ANO9: variants seen among roughly 807,000 people sequenced by gnomAD.
ANO9 encodes the protein anoctamin-9.
A neutral mutation model predicts 100.5 loss-of-function variants in ANO9; 80 were observed. That is an observed-to-expected ratio of 0.80 (90% CI 0.66 to 0.96). The LOEUF is 0.96. Ranked by LOEUF, ANO9 falls within the 40% of genes least tolerant of loss-of-function variation. The probability of loss-of-function intolerance (pLI) is 0.00; values close to 1 mark genes in which losing one functional copy is unlikely to be tolerated. For synonymous variants in ANO9, 473 were observed against 435.6 expected, an observed-to-expected ratio of 1.09 and a Z score of -1.07; for missense variants, 1,064 against 1,072.7, an observed-to-expected ratio of 0.99 and a Z score of 0.11.
intron 20 of ANO9, 52 bp from the exon 21 acceptor site, chr11:419,041 C>A: frequency 6.2e-7 from 1 of 1,610,120 alleles, no homozygotes; most frequent in Non-Finnish European, 8.5e-7. Flanking sequence ...AGGGCGGCCC[C>A]TTCAGGCCCC....
chr11:419,842 C>CGGCTGG, intron 19 of ANO9, 113 bp from the exon 20 acceptor site: 4 of 1,495,522 alleles, frequency 2.7e-6, no homozygotes, highest in Admixed American at 2.1e-5. Flanking sequence ...GTGGTGTCCC[C>CGGCTGG]TTGCAGCCCT....
chr11:420,045 G>A (rs1848077233), intron 19 of ANO9: 1 of 1,324,706 alleles, frequency 7.5e-7, no homozygotes, highest in Non-Finnish European at 9.7e-7. Context: ...TTGTAACCTG[G>A]GCCCGAGACT....
At position 433,830 on chromosome 11, in the gene ANO9, C is replaced by T. The variant is rs774177321; in HGVS notation, c.189G>A (p.Lys63=). 2 of 1,562,184 alleles carry T rather than the reference C, an allele frequency of 1.3e-6. No individual in the cohort carries two copies. The highest frequency in any genetic ancestry group is 8.7e-7 in the Non-Finnish European group (1 of 1,153,562). ...QQQFLEELRR[K]GFHIKVIRDQ... is the part of the protein sequence containing the mutation. ...ACCCGCCCACCTTAATGTGGAAGCCCTTTCTCCTGAGCTCCTCCAGGAACT... is the reference window on the plus strand; with the variant it reads ...ACCCGCCCACCTTAATGTGGAAGCCTTTTCTCCTGAGCTCCTCCAGGAACT... The change falls in exon 3 of 23, where the codon AAG becomes AAA. Residue 63 remains lysine (K), a synonymous_variant. Transcript: ENST00000332826.
At chr11:438,482 TA>T (rs1182475513) in intron 1 of ANO9, among the ~76,000 whole-genome samples, 1 of 129,452 alleles carries the variant, frequency 7.7e-6, no homozygotes, top group Non-Finnish European at 1.6e-5. Flanking sequence ...CAGGCAGGTG[TA>T]GCCCCCCCAA....
At chr11:439,348 C>G (rs1330711550) in intron 1 of ANO9, among the ~76,000 whole-genome samples, 1 of 144,274 alleles carries the variant, frequency 6.9e-6, no homozygotes, top group Non-Finnish European at 1.5e-5. Flanking sequence ...CTCCCAAGGG[C>G]TGGAGTGTGA....
chr11:420,370 T>C, intron 19 of ANO9, 93 bp downstream of exon 19: 1 of 1,530,320 alleles, frequency 6.5e-7, no homozygotes. Flanking sequence ...ATCCGAGAGA[T>C]TATTTTTTCC....
At chr11:440,927 T>G (rs1403870699) in intron 1 of ANO9, among the ~76,000 whole-genome samples, 1 of 152,248 alleles carries the variant, frequency 6.6e-6, no homozygotes, top group Non-Finnish European at 1.5e-5. Flanking sequence ...GGACTGATGC[T>G]CTCACTTCCA....
At chr11:420,669 C>A (rs747319256) in intron 18 of ANO9, 49 bp downstream of exon 18, 1 of 1,600,776 alleles carries the variant, frequency 6.2e-7, no homozygotes, top group Non-Finnish European at 8.5e-7. Flanking sequence ...CCGCGGACCC[C>A]CGCCCCGCAT....
Position 419,039 on chromosome 11 carries a change from C to T in ANO9, c.1935-50G>A, listed in dbSNP as rs1848013263. On this transcript the variant is annotated intron_variant, in intron 20 of 22. Coordinates refer to ENST00000332826, the MANE Select transcript of ANO9 (RefSeq NM_001012302.3). ...GGGTGGGGTGGGCTTCCAGGGCGGC[C>T]CCTTCAGGCCCCAGAGTGCTTCTAG... 4 of 1,610,040 alleles carry T rather than the reference C, an allele frequency of 2.5e-6. No homozygotes were observed. The South Asian group carries it at 4.4e-5, about 18-fold the overall frequency.
chr11:431,733 C>G lies in ANO9; in HGVS notation c.500G>C (p.Trp167Ser). The G allele has an allele frequency of 6.2e-7, 1 of 1,612,664 alleles. No individual in the cohort carries two copies. Among genetic ancestry groups the G allele is most frequent in the South Asian group, 1.1e-5 (1 of 91,086 alleles). The change falls in exon 7 of 23, where the codon TGG (tryptophan) becomes TCG (serine). Residue 167 changes from tryptophan to serine, a missense_variant. Coordinates refer to ENST00000332826, the MANE Select transcript of ANO9 (RefSeq NM_001012302.3). ...TGGCTGCTCCCGGAACATGTGTCTCCACCGCGCCCACGTCTTCTTCAGGCG... is the reference window on the plus strand; with the variant it reads ...TGGCTGCTCCCGGAACATGTGTCTCGACCGCGCCCACGTCTTCTTCAGGCG... ...EGRLKKTWAR[W>S]RHMFREQPVD...
At chr11:437,944 C>A (rs1240745997) in intron 1 of ANO9, among the ~76,000 whole-genome samples, 1 of 152,154 alleles carries the variant, frequency 6.6e-6, no homozygotes, top group African/African-American at 2.4e-5. Flanking sequence ...AAGCCCAGAC[C>A]CCTGAGAAGG....
rs1011973621 is a variant in ANO9 at position 438,606 on chromosome 11, A to G, written c.6+3315T>C. On this transcript the variant is annotated intron_variant, in intron 1 of 22. Coordinates refer to ENST00000332826, the MANE Select transcript of ANO9 (RefSeq NM_001012302.3). ...CCATCCGTCTCCAGGGCCAGTGTTT[A>G]CGGAGCCACACCCACCGGCCCATCC... Among the ~76,000 whole-genome samples the G allele has an allele frequency of 1.3e-4, 20 of 150,796 alleles. No individual in the cohort carries two copies. In the East Asian group the frequency reaches 3.5e-3, roughly 26 times the overall value.
intron 11 of ANO9, among the ~76,000 whole-genome samples, chr11:429,153 A>G (rs1222675039): frequency 7.3e-6 from 1 of 137,604 alleles, no homozygotes; most frequent in Non-Finnish European, 1.6e-5. Context: ...CGGGACACTC[A>G]CCCCACACGT....
intron 1 of ANO9, among the ~76,000 whole-genome samples, chr11:441,633 C>T (rs563447098): frequency 1.8e-4 from 27 of 152,310 alleles, no homozygotes; most frequent in African/African-American, 6.3e-4. Context: ...GTTCCTGGCC[C>T]CACACACTAG....
At chr11:423,417 T>G (rs1848311813) in intron 15 of ANO9, among the ~76,000 whole-genome samples, 1 of 152,134 alleles carries the variant, frequency 6.6e-6, no homozygotes, top group Non-Finnish European at 1.5e-5. Context: ...CAATCAATGG[T>G]TTGGGGACAA....
At chr11:434,789 C>T (rs1396967735) in intron 1 of ANO9, among the ~76,000 whole-genome samples, 2 of 152,186 alleles carry the variant, frequency 1.3e-5, no homozygotes, top group Non-Finnish European at 2.9e-5. Context: ...CACAGGGACA[C>T]GAGAGTCTGG....
In ANO9 at chr11:430,344, A is replaced by G; in HGVS notation, c.599T>C (p.Met200Thr). Residue 200 changes from methionine (M) to threonine (T), a missense_variant, in exon 8 of 23, where the codon ATG becomes ACG. Met to Thr is a moderately conservative substitution (Grantham distance 81, BLOSUM62 -1). Coordinates refer to ENST00000332826, the MANE Select transcript of ANO9 (RefSeq NM_001012302.3). ...GCCCGTCAGGGCGGCCGGCACCAGC[A>G]TGTAGGTGTACCAGCCCAGCCAGAC... The part of the protein sequence containing the change: ...YFVWLGWYTY[M>T]LVPAALTGLL... 6.2e-7 allele frequency: 1 copy of G among 1,609,432 alleles called. No individual in the cohort carries two copies. Among genetic ancestry groups the G allele is most frequent in the Non-Finnish European group, 8.5e-7 (1 of 1,178,978 alleles).
chr11:441,775 C>A lies in ANO9; in HGVS notation c.6+146G>T, dbSNP rs1257997978. ...CTTAGCTGAGCCGGGCGGTCACCCT[C>A]GCCTGACCGGGCAGCCTGCAGGGAC... On this transcript the variant is annotated intron_variant, in intron 1 of 22. Coordinates refer to ENST00000332826, the MANE Select transcript of ANO9 (RefSeq NM_001012302.3). The A allele has an allele frequency of 4.6e-6, 6 of 1,297,294 alleles. No individual in the cohort carries two copies. In the African/African-American group the frequency reaches 9.1e-5, roughly 20 times the overall value. 80.4% of individuals were successfully genotyped at this position (1,297,294 alleles called of 1,614,324 possible).
intron 11 of ANO9, among the ~76,000 whole-genome samples, chr11:429,214 T>G (rs58914475): frequency 3.2e-4 from 30 of 92,346 alleles, no homozygotes; most frequent in African/African-American, 7.5e-4. Flanking sequence ...CACGGGACAC[T>G]CACCCCACAC....
Sources: gnomAD v4.1 joint callset for allele counts (sites outside exome capture counted in the v4.1 genomes callset) on GRCh38, gnomAD v4.1.1 for gene constraint, MANE v1.5 for transcripts, NCBI Gene and HGNC (gene_info 2026-07-23, HGNC 2026-07-21) for gene names.